The following BRF1 variants were observed in gnomAD, a reference collection of about 807,000 sequenced individuals.
BRF1 encodes the protein BRF1 general transcription factor IIIB subunit, also known as transcription factor IIIB 90 kDa subunit.
BRF1 carries 59 observed loss-of-function variants against 81.7 expected under a neutral mutation model. The ratio of observed to expected loss-of-function variants is 0.72; its 90% CI spans 0.59 to 0.90. The LOEUF (loss-of-function observed/expected upper bound fraction) is 0.90. Ranked by LOEUF, BRF1 falls within the 40% of genes least tolerant of loss-of-function variation. BRF1 has a pLI of 0.00. For missense variants in BRF1, 1,050 were observed against 936.3 expected (o/e 1.12, Z -1.58); for synonymous variants, 491 against 395.6 (o/e 1.24, Z -2.86).
upstream of BRF1, among the ~76,000 whole-genome samples, chr14:105,301,937 G>A (rs1199602872): frequency 2.6e-5 from 4 of 152,186 alleles, no homozygotes; most frequent in African/African-American, 9.7e-5. Flanking sequence ...AGGAGTTCGA[G>A]ACCAGCCTGG....
chr14:105,219,390 C>G, intron 12 of BRF1, 158 bp from the exon 13 acceptor site: 1 of 1,437,116 alleles, frequency 7.0e-7, no homozygotes, highest in Non-Finnish European at 9.2e-7. Flanking sequence ...CCTCATCGCG[C>G]GGGGCGAGTT....
intron 10 of BRF1, among the ~76,000 whole-genome samples, chr14:105,225,711 G>C (rs587761990): frequency 2.0e-5 from 3 of 151,810 alleles, no homozygotes; most frequent in Admixed American, 6.6e-5. Context: ...GCCGTGGTGC[G>C]ATCTTGGCTC....
intron 2 of BRF1, among the ~76,000 whole-genome samples, chr14:105,278,592 T>C (rs1403460982): frequency 3.9e-5 from 6 of 152,052 alleles, no homozygotes; most frequent in African/African-American, 1.4e-4. Context: ...AAAACTGATA[T>C]ACTGGGACTT....
chr14:105,256,916 G>A (rs922252134), intron 3 of BRF1, among the ~76,000 whole-genome samples: 19 of 152,176 alleles, frequency 1.2e-4, no homozygotes, highest in Non-Finnish European at 2.5e-4. Context: ...CCATATGGTG[G>A]ATCTGCTGCC....
At chr14:105,214,820 C>T (rs1426824131) in intron 15 of BRF1, among the ~76,000 whole-genome samples, 4 of 152,170 alleles carry the variant, frequency 2.6e-5, no homozygotes, top group Non-Finnish European at 5.9e-5. Context: ...TGGTCCCTCC[C>T]CACCACCCCT....
In BRF1 at chr14:105,211,178, G is replaced by A. The variant is rs1294842500; in HGVS notation, c.1940C>T (p.Pro647Leu). ...GCAGGGCTCCCCGTCCTCCTCGTCA[G>A]GCTCCTCCTCGTCAGCCTCCTCGTC... is the stretch of plus-strand genomic sequence containing the variant. ...HADEEADEEE[P>L]DEEDGEPCVS... The change falls in exon 17 of 18, where the codon CCT becomes CTT. Residue 647 changes from proline to leucine, a missense_variant. Pro to Leu is a moderately conservative substitution (Grantham distance 98). Transcript: ENST00000547530. 1.9e-6 allele frequency: 3 copies of A among 1,612,480 alleles called. No homozygotes were observed. Among genetic ancestry groups the A allele is most frequent in the East Asian group, 4.5e-5 (2 of 44,858 alleles).
chr14:105,217,200 AGGGCGGCAGGGCT>A (rs1891469152), intron 15 of BRF1: 3 of 418,560 alleles, frequency 7.2e-6, no homozygotes, highest in Non-Finnish European at 1.3e-5. Context: ...GAGCAGGCAC[AGGGCGGCAGGGCT>A]GGGGACTCTT....
At chr14:105,311,572 AACTC>A (rs1367557047) in intron 1 of BRF1, among the ~76,000 whole-genome samples, 4 of 152,036 alleles carry the variant, frequency 2.6e-5, no homozygotes, top group African/African-American at 9.7e-5. Context: ...AGCTACTTTT[AACTC>A]ACTATTTCTG....
chr14:105,253,430 G>A (rs2055715312), intron 4 of BRF1, among the ~76,000 whole-genome samples: 1 of 152,202 alleles, frequency 6.6e-6, no homozygotes, highest in African/African-American at 2.4e-5. Flanking sequence ...GGCTTGGCCA[G>A]TCTGACCCTC....
At chr14:105,285,880 A>G (rs1028884799) in intron 2 of BRF1, among the ~76,000 whole-genome samples, 2 of 152,254 alleles carry the variant, frequency 1.3e-5, no homozygotes, top group African/African-American at 4.8e-5. Context: ...ACTTGTACCT[A>G]AAACACATAA....
intron 6 of BRF1, among the ~76,000 whole-genome samples, chr14:105,229,505 C>G (rs587598504): frequency 6.6e-6 from 1 of 152,300 alleles, no homozygotes; most frequent in Non-Finnish European, 1.5e-5. Flanking sequence ...ACCTGGGGCT[C>G]CAATTCCGGA....
In BRF1 at chr14:105,221,921, G is replaced by A. The variant is rs1216279954; in HGVS notation, c.1049-7C>T. 6.4e-7 allele frequency: 1 copy of A among 1,570,506 alleles called. No individual in the cohort carries two copies. Among genetic ancestry groups the A allele is most frequent in the Non-Finnish European group, 8.6e-7 (1 of 1,161,926 alleles). On this transcript the variant is annotated splice_polypyrimidine_tract_variant and splice_region_variant and intron_variant, in intron 10 of 17. Transcript: ENST00000547530. ...GCGGTGTCCTCGGTGGAGCCTAGGT[G>A]TACACAATCCACCTGTTAACCAGGC...
chr14:105,278,605 T>C (rs2056940088), intron 2 of BRF1, among the ~76,000 whole-genome samples: 1 of 152,030 alleles, frequency 6.6e-6, no homozygotes, highest in African/African-American at 2.4e-5. Context: ...TGGGACTTCA[T>C]TATAATTAAG....
chr14:105,305,644 G>A (rs2058165373), upstream of BRF1, among the ~76,000 whole-genome samples: 1 of 152,234 alleles, frequency 6.6e-6, no homozygotes, highest in South Asian at 2.1e-4. Context: ...CCCACGTGAT[G>A]TGAAGGCATA....
chr14:105,309,792 T>C lies in BRF1; in HGVS notation c.-162+5530A>G, dbSNP rs1245198782. The stretch of plus-strand genomic sequence containing the variant: ...GATGTGTGTCTTTTTTTTTTTTTTT[T>C]TTTTTTTTTTTTAGACGGAGTCTCA... On this transcript the variant is annotated intron_variant, in intron 1 of 17. Coordinates refer to the BRF1 transcript ENST00000327359. The surrounding 1 kb of genome is among the most constrained non-coding windows in gnomAD (Gnocchi z 4.0). Among the ~76,000 whole-genome samples, 42 of 147,360 alleles carry C rather than the reference T, an allele frequency of 2.9e-4. 1 individual carries two copies. The highest frequency in any genetic ancestry group is 1.0e-3 in the African/African-American group (41 of 40,010).
At position 105,228,917 on chromosome 14, in the gene BRF1, G is replaced by A. The variant is rs201207194; in HGVS notation, c.695-4C>T. ...ATTCTGGCTGCAACCAGGAGCGCTGGAAGGCAACGAGACGGGCCTCGTCAA... is the reference window on the plus strand; with the variant it reads ...ATTCTGGCTGCAACCAGGAGCGCTGAAAGGCAACGAGACGGGCCTCGTCAA... On this transcript the variant is annotated splice_polypyrimidine_tract_variant and splice_region_variant and intron_variant, in intron 6 of 17. Coordinates refer to ENST00000547530, the MANE Select transcript of BRF1 (RefSeq NM_001519.4). 5.1e-5 allele frequency: 82 copies of A among 1,613,264 alleles called. No homozygotes were observed. The highest frequency in any genetic ancestry group is 1.3e-5 in the Non-Finnish European group (15 of 1,179,978).
intron 15 of BRF1, among the ~76,000 whole-genome samples, chr14:105,213,731 A>G (rs183710810): frequency 2.4e-4 from 37 of 152,288 alleles, no homozygotes; most frequent in African/African-American, 8.2e-4. Flanking sequence ...TTCCAGAACC[A>G]GGAAGCAGCT....
chr14:105,226,606 CACAG>C (rs1566813352), intron 8 of BRF1, 24 bp downstream of exon 8: 1 of 1,612,336 alleles, frequency 6.2e-7, no homozygotes, highest in Non-Finnish European at 8.5e-7. Flanking sequence ...GCAAGCCCAG[CACAG>C]ACAGACACCA....
At position 105,294,931 on chromosome 14, in the gene BRF1, G is replaced by A. The variant is rs892997988; in HGVS notation, c.184+5515C>T. Among the ~76,000 whole-genome samples the A allele has an allele frequency of 6.6e-5, 10 of 152,290 alleles. No homozygotes were observed. The South Asian group carries it at 8.3e-4, about 13-fold the overall frequency. On this transcript the variant is annotated intron_variant, in intron 1 of 17. Coordinates refer to ENST00000547530, the MANE Select transcript of BRF1 (RefSeq NM_001519.4). ...TAGAACCTCAGTGATGAAAGAAGCC[G>A]AAACCACAGTGCAGAATCTTCTGAG...
Sources: gnomAD v4.1 joint callset for allele counts (sites outside exome capture counted in the v4.1 genomes callset) on GRCh38, gnomAD v4.1.1 for gene constraint, Gnocchi (gnomAD v3.1) non-coding constraint, MANE v1.5 for transcripts, NCBI Gene and HGNC (gene_info 2026-07-23, HGNC 2026-07-21) for gene names.